Variants in ZNF467 observed in about 807,000 individuals in gnomAD.
ZNF467 encodes the protein zinc finger protein EZI.
ZNF467 carries 51 observed loss-of-function variants against 47.8 expected under a neutral mutation model. The ratio of observed to expected loss-of-function variants is 1.07; its 90% CI spans 0.85 to 1.35. ZNF467 has a LOEUF of 1.35. Among genes scored for constraint, ZNF467 ranks in the 40% most tolerant of loss-of-function variants. The pLI is 0.00. For missense variants in ZNF467, 992 were observed against 858.1 expected, an observed-to-expected ratio of 1.16 and a Z score of -1.95; for synonymous variants, 416 against 372.9, an observed-to-expected ratio of 1.12 and a Z score of -1.33.
upstream of ZNF467, among the ~76,000 whole-genome samples, chr7:149,774,348 CCT>C (rs1799519101): frequency 6.6e-6 from 1 of 152,192 alleles, no homozygotes; most frequent in Admixed American, 6.5e-5. The surrounding 1 kb of genome is among the most constrained non-coding windows in gnomAD (Gnocchi z 5.7). Context: ...TTCCCGGTCT[CCT>C]CTCCATGAAC....
At chr7:149,771,299 C>G (rs186239673) in intron 1 of ZNF467, among the ~76,000 whole-genome samples, 1 of 152,192 alleles carries the variant, frequency 6.6e-6, no homozygotes, top group Non-Finnish European at 1.5e-5. Flanking sequence ...CTCTGGAAAC[C>G]AGCCGCGCCA....
chr7:149,766,734 C>T (rs990040907), intron 4 of ZNF467, among the ~76,000 whole-genome samples: 1 of 152,216 alleles, frequency 6.6e-6, no homozygotes, highest in Admixed American at 6.5e-5. Flanking sequence ...GGACTAGAGC[C>T]TCCTTCCCTG....
In ZNF467 at chr7:149,764,468, C is replaced by T. The variant is rs778042450; in HGVS notation, c.*246G>A. The T allele has an allele frequency of 1.3e-5, 9 of 711,294 alleles. No homozygotes were observed. In the Admixed American group the frequency reaches 2.0e-4, roughly 16 times the overall value. The allele number at this position is 711,294 out of a possible 1,614,324, so 44.1% of individuals were successfully genotyped here. ...GGGAAATATCTGCTTTCCAACGGGG[C>T]ACCTGGGTGGGAGCCTTCCAAGAAC... On this transcript the variant is annotated 3_prime_UTR_variant, in exon 5 of 5. Coordinates refer to ENST00000302017, the MANE Select transcript of ZNF467 (RefSeq NM_207336.3).
chr7:149,771,102 A>AT (rs1384697942), intron 1 of ZNF467, 28 bp from the exon 2 acceptor site: 2 of 1,606,768 alleles, frequency 1.2e-6, no homozygotes, highest in African/African-American at 1.3e-5. Flanking sequence ...CCTTGTTCAG[A>AT]TTTTTCCCAC....
chr7:149,765,539 CA>C lies in ZNF467; in HGVS notation c.962del (p.Val321GlyfsTer42). 1 of 1,581,238 alleles carries C rather than the reference CA, an allele frequency of 6.3e-7. No individual in the cohort carries two copies. Among genetic ancestry groups the C allele is most frequent in the Non-Finnish European group, 8.6e-7 (1 of 1,163,808 alleles). On this transcript the variant is annotated frameshift_variant, in exon 5 of 5. Coordinates refer to ENST00000302017, the MANE Select transcript of ZNF467 (RefSeq NM_207336.3). LOFTEE classifies it high-confidence loss of function. ...GCCTGGCCGGGCCGGCCGTCTGGTG[CA>C]CCCTTTGGTGCCGCACCAAGTGCTG... ...HKQHLVRHQR[V>X]HQTAGPARPS...
chr7:149,775,499 G>A (rs1213300606), upstream of ZNF467, among the ~76,000 whole-genome samples: 1 of 152,152 alleles, frequency 6.6e-6, no homozygotes, highest in Non-Finnish European at 1.5e-5. Context: ...TGGGGTCATG[G>A]CCCTCTTGAG....
intron 4 of ZNF467, among the ~76,000 whole-genome samples, chr7:149,768,049 C>T (rs1799275865): frequency 6.6e-6 from 1 of 152,214 alleles, no homozygotes; most frequent in Non-Finnish European, 1.5e-5. Flanking sequence ...CTGAAGTCTA[C>T]ACCTTTCTTA....
In ZNF467 at chr7:149,765,701, G is replaced by A. The variant is rs768406178; in HGVS notation, c.801C>T (p.Thr267=). The A allele has an allele frequency of 6.2e-7, 1 of 1,613,220 alleles. No homozygotes were observed. The highest frequency in any genetic ancestry group is 2.2e-5 in the East Asian group (1 of 44,844). The change falls in exon 5 of 5, where the codon ACC becomes ACT. Residue 267 remains threonine (T), a synonymous_variant. Transcript: ENST00000302017. ...CCGTGCAGGGGAAGGGCCGCTCGCCGGTGTGGGTCTTTTGGTGCGAGCCCA... is the reference window on the plus strand; with the variant it reads ...CCGTGCAGGGGAAGGGCCGCTCGCCAGTGTGGGTCTTTTGGTGCGAGCCCA... The part of the protein sequence containing the change: ...IHLGSHQKTH[T]GERPFPCTEC...
intron 2 of ZNF467, 41 bp from the exon 3 acceptor site, chr7:149,770,597 T>C: frequency 6.5e-7 from 1 of 1,535,532 alleles, no homozygotes; most frequent in Non-Finnish European, 8.9e-7. Context: ...AAGCATCCAG[T>C]ACAGAACAAG....
intron 2 of ZNF467, among the ~76,000 whole-genome samples, chr7:149,770,773 A>G (rs1218623256): frequency 3.9e-5 from 6 of 152,222 alleles, no homozygotes; most frequent in Non-Finnish European, 8.8e-5. Flanking sequence ...ATAGATGTAA[A>G]TATGACTGTG....
At chr7:149,774,926 C>T (rs1799533244), upstream of ZNF467, among the ~76,000 whole-genome samples, 1 of 152,104 alleles carries the variant, frequency 6.6e-6, no homozygotes, top group African/African-American at 2.4e-5. This position sits in a 1 kb window ranked among gnomAD's most constrained non-coding sequence, Gnocchi z 5.7. Context: ...AATGACTCTA[C>T]AGGATACTCG....
rs201689370 is a variant in ZNF467 at position 149,770,525 on chromosome 7, G to T, written c.66C>A (p.Pro22=). ...GGGATCCTTCCCTGGGCTCACTTTG[G>T]GGGGCCATCTCTGGCTGTCCCACAG... ...GFSVGQPEMA[P]QSEPREGSHN... Residue 22 remains proline, a synonymous_variant, in exon 3 of 5, where the codon CCC becomes CCA. Coordinates refer to ENST00000302017, the MANE Select transcript of ZNF467 (RefSeq NM_207336.3). 5.6e-6 allele frequency: 9 copies of T among 1,613,682 alleles called. No homozygotes were observed. The highest frequency in any genetic ancestry group is 7.6e-6 in the Non-Finnish European group (9 of 1,179,806).
upstream of ZNF467, chr7:149,776,502 A>G: frequency 5.3e-6 from 7 of 1,315,642 alleles, no homozygotes; most frequent in Non-Finnish European, 7.0e-6. Flanking sequence ...CCCGGTCCCC[A>G]GCGCCTGGGC....
At position 149,765,192 on chromosome 7, in the gene ZNF467, C is replaced by A. The variant is rs1422346408; in HGVS notation, c.1310G>T (p.Gly437Val). The A allele has an allele frequency of 4.6e-6, 7 of 1,505,694 alleles. No homozygotes were observed. The highest frequency in any genetic ancestry group is 6.2e-6 in the Non-Finnish European group (7 of 1,131,416). The allele number at this position is 1,505,694 out of a possible 1,614,324, so 93.3% of individuals were successfully genotyped here. Residue 437 changes from glycine to valine, a missense_variant, in exon 5 of 5, where the codon GGG becomes GTG. Coordinates refer to ENST00000302017, the MANE Select transcript of ZNF467 (RefSeq NM_207336.3). ...GERSFFCPDC[G>V]RGFSHGQHLA... is the part of the protein sequence containing the mutation. ...GTGCTGCCCATGGGAGAAGCCGCGC[C>A]CGCAGTCCGGGCAGAAGAAGGACCG...
chr7:149,764,861 C>A lies in ZNF467; in HGVS notation c.1641G>T (p.Gln547His). ...TCTTGCGGCTGAAGCTCTTTCCGCA[C>A]TGCGGGCAGGAGAAGGGGCGGGAGC... ...HTGSRPFSCP[Q>H]CGKSFSRKTH... The change falls in exon 5 of 5, where the codon CAG becomes CAT. Residue 547 changes from glutamine (Q) to histidine (H), a missense_variant. Coordinates refer to ENST00000302017, the MANE Select transcript of ZNF467 (RefSeq NM_207336.3). 6.4e-7 allele frequency: 1 copy of A among 1,554,396 alleles called. No individual in the cohort carries two copies. The highest frequency in any genetic ancestry group is 8.7e-7 in the Non-Finnish European group (1 of 1,151,324).
At chr7:149,766,739 T>C (rs1268519870) in intron 4 of ZNF467, among the ~76,000 whole-genome samples, 1 of 152,178 alleles carries the variant, frequency 6.6e-6, no homozygotes, top group African/African-American at 2.4e-5. Flanking sequence ...AGAGCCTCCT[T>C]CCCTGGTGGC....
chr7:149,765,338 C>T lies in ZNF467; in HGVS notation c.1164G>A (p.Glu388=). The T allele has an allele frequency of 2.6e-6, 4 of 1,519,008 alleles. No individual in the cohort carries two copies. The highest frequency in any genetic ancestry group is 2.4e-5 in the East Asian group (1 of 41,326). The allele number at this position is 1,519,008 out of a possible 1,614,324, so 94.1% of individuals were successfully genotyped here. A position where few individuals can be genotyped will look rare whatever the true frequency, so the allele number is the denominator to read the frequency against. ...CATCCACGGTGGCGCCCAGTGCGCA[C>T]TCATCGCACCCAAAGGGGCGACCCT... The part of the protein sequence containing the change: ...RSEGRPFGCD[E]CALGATVDAP... Residue 388 remains glutamate (E), a synonymous_variant, in exon 5 of 5, where the codon GAG becomes GAA. Transcript: ENST00000302017.
Position 149,769,313 on chromosome 7 carries a change from A to C in ZNF467, c.152-113T>G. On this transcript the variant is annotated intron_variant, in intron 3 of 4. Coordinates refer to ENST00000302017, the MANE Select transcript of ZNF467 (RefSeq NM_207336.3). This position sits in a 1 kb window ranked among gnomAD's most constrained non-coding sequence, Gnocchi z 5.3. The stretch of plus-strand genomic sequence containing the variant: ...AAACCCTGGCTCCAGCAGGGCCCAC[A>C]GGGTTCCTCCCACATCCTACCTGAA... 2 of 951,398 alleles carry C rather than the reference A, an allele frequency of 2.1e-6. No individual in the cohort carries two copies. The highest frequency in any genetic ancestry group is 3.0e-6 in the Non-Finnish European group (2 of 656,196). The allele number at this position is 951,398 out of a possible 1,614,324, so 58.9% of individuals were successfully genotyped here.
At position 149,765,627 on chromosome 7, in the gene ZNF467, C is replaced by T. The variant is rs761809220; in HGVS notation, c.875G>A (p.Arg292His). 1.6e-5 allele frequency: 26 copies of T among 1,607,194 alleles called. No homozygotes were observed. Among genetic ancestry groups the T allele is most frequent in the Non-Finnish European group, 2.0e-5 (24 of 1,177,130 alleles). The change falls in exon 5 of 5, where the codon CGC becomes CAC. Residue 292 changes from arginine (R) to histidine (H), a missense_variant. Transcript: ENST00000302017. ...GTAGGGCCTCTCGCCCGTATGGATG[C>T]GCTGGTGCCGAATCAAGTGCGTCTT... ...RKKTHLIRHQRIHTGERPYQC... is the reference protein window; with the variant it reads ...RKKTHLIRHQHIHTGERPYQC...
Sources: gnomAD v4.1 joint callset for allele counts (sites outside exome capture counted in the v4.1 genomes callset) on GRCh38, gnomAD v4.1.1 for gene constraint, Gnocchi (gnomAD v3.1) non-coding constraint, MANE v1.5 for transcripts, NCBI Gene and HGNC (gene_info 2026-07-23, HGNC 2026-07-21) for gene names.